Variants in NCAM1 observed in about 807,000 individuals in gnomAD.
NCAM1 encodes the protein neural cell adhesion molecule 1.
A neutral mutation model predicts 109.8 loss-of-function variants in NCAM1; 14 were observed. The observed-to-expected ratio is 0.13, with a 90% confidence interval of 0.08 to 0.20. The LOEUF is 0.20. Among genes scored for constraint, NCAM1 ranks in the 10% least tolerant of loss-of-function variants. The pLI is 1.00. For missense variants in NCAM1, 774 were observed against 1,109.9 expected (o/e 0.70, Z 4.30); for synonymous variants, 418 against 442.9 (o/e 0.94, Z 0.70).
chr11:113,030,867 C>T (rs1482828783), intron 1 of NCAM1, among the ~76,000 whole-genome samples: 1 of 152,296 alleles, frequency 6.6e-6, no homozygotes, highest in South Asian at 2.1e-4. Context: ...AAAAACCTCA[C>T]CTAGATATTT....
chr11:113,180,247 C>A (rs1275984345), intron 1 of NCAM1, among the ~76,000 whole-genome samples: 1 of 152,092 alleles, frequency 6.6e-6, no homozygotes, highest in Non-Finnish European at 1.5e-5. Flanking sequence ...GAGATATAGC[C>A]CCTGTCTGGA....
chr11:113,223,479 C>T (rs185739447), intron 9 of NCAM1, among the ~76,000 whole-genome samples: 28 of 152,164 alleles, frequency 1.8e-4, no homozygotes, highest in East Asian at 7.7e-4. Flanking sequence ...TGGCTGTTCA[C>T]GCAACTGTTT....
Position 113,020,446 on chromosome 11 carries a change from T to C in NCAM1, c.52+58782T>C, listed in dbSNP as rs990753963. The stretch of plus-strand genomic sequence containing the variant: ...GCTTCCCCACCCACTCTCTTAACCG[T>C]AGGTCTTGGATATTCACAGACAACG... On this transcript the variant is annotated intron_variant, in intron 1 of 19. Transcript: ENST00000316851. Among the ~76,000 whole-genome samples, 11 of 152,296 alleles carry C rather than the reference T, an allele frequency of 7.2e-5. No individual in the cohort carries two copies. The East Asian group carries it at 2.1e-3, about 29-fold the overall frequency.
chr11:113,094,104 C>T (rs1372688315), intron 1 of NCAM1, among the ~76,000 whole-genome samples: 1 of 152,174 alleles, frequency 6.6e-6, no homozygotes, highest in Non-Finnish European at 1.5e-5. Context: ...CCCCTTTAGA[C>T]AGTTAAGACG....
At chr11:113,074,674 G>A (rs1938446791) in intron 1 of NCAM1, among the ~76,000 whole-genome samples, 1 of 151,946 alleles carries the variant, frequency 6.6e-6, no homozygotes, top group African/African-American at 2.4e-5. Context: ...CTCTATCACC[G>A]AGGTTGGAGT....
chr11:113,092,798 A>G (rs1555089603), intron 1 of NCAM1, among the ~76,000 whole-genome samples: 1 of 152,162 alleles, frequency 6.6e-6, no homozygotes, highest in Non-Finnish European at 1.5e-5. Flanking sequence ...GTGAGATTAT[A>G]TGGCATCTCT....
chr11:113,051,545 A>G (rs1464069883), intron 1 of NCAM1, among the ~76,000 whole-genome samples: 1 of 152,154 alleles, frequency 6.6e-6, no homozygotes, highest in African/African-American at 2.4e-5. Context: ...AAAAAATAAG[A>G]TTAACATTTT....
At chr11:113,003,690 G>T (rs182650728) in intron 1 of NCAM1, among the ~76,000 whole-genome samples, 28 of 152,318 alleles carry the variant, frequency 1.8e-4, no homozygotes, top group Admixed American at 1.4e-3. Flanking sequence ...TTACAGATTT[G>T]CTATAGAAGA....
At chr11:113,245,650 A>T (rs1049825027) in intron 14 of NCAM1, among the ~76,000 whole-genome samples, 21 of 152,130 alleles carry the variant, frequency 1.4e-4, no homozygotes, top group Non-Finnish European at 2.2e-4. Context: ...CAGGAATAAC[A>T]TGGGTTTGTG....
intron 17 of NCAM1, among the ~76,000 whole-genome samples, chr11:113,261,184 T>A (rs1015408681): frequency 1.3e-4 from 20 of 151,524 alleles, no homozygotes; most frequent in African/African-American, 4.9e-4. Flanking sequence ...AAGACGGCCT[T>A]GGGCAGCCCC....
At chr11:113,119,856 A>G (rs1463878942) in intron 1 of NCAM1, among the ~76,000 whole-genome samples, 1 of 152,228 alleles carries the variant, frequency 6.6e-6, no homozygotes, top group Non-Finnish European at 1.5e-5. Context: ...CCATAGATCT[A>G]CACACAACCC....
At chr11:113,259,050 AT>A (rs558552786) in intron 16 of NCAM1, among the ~76,000 whole-genome samples, 632 of 134,038 alleles carry the variant, frequency 4.7e-3, no homozygotes, top group African/African-American at 8.4e-3. Flanking sequence ...AATAGTTTTC[AT>A]TTTTTTTTTT....
At position 113,199,978 on chromosome 11, in the gene NCAM1, C is replaced by T. The variant is rs75114710; in HGVS notation, c.53-2401C>T. Among the ~76,000 whole-genome samples the T allele has an allele frequency of 4.8e-3, 738 of 152,268 alleles. 5 individuals carry two copies. Among genetic ancestry groups the T allele is most frequent in the African/African-American group, 0.016 (664 of 41,562 alleles). ...GCATTTGGATATGAAAACTCCTCAG[C>T]CTTGCCGTGTTCTCCTGCCCCTTGA... On this transcript the variant is annotated intron_variant, in intron 1 of 19. Transcript: ENST00000316851.
intron 1 of NCAM1, among the ~76,000 whole-genome samples, chr11:113,002,355 A>C (rs1951776898): frequency 6.6e-6 from 1 of 152,268 alleles, no homozygotes; most frequent in Admixed American, 6.5e-5. Context: ...GGCCTTAGTG[A>C]AACAAAAACA....
chr11:113,124,240 G>A (rs1007728078), intron 1 of NCAM1, among the ~76,000 whole-genome samples: 4 of 152,168 alleles, frequency 2.6e-5, no homozygotes, highest in Middle Eastern at 3.2e-3. Flanking sequence ...GGGGCAAGTG[G>A]GGAGTGTGGT....
chr11:113,270,034 G>T, intron 17 of NCAM1, 154 bp from the exon 18 acceptor site: 2 of 697,152 alleles, frequency 2.9e-6, no homozygotes, highest in South Asian at 1.7e-5. Flanking sequence ...CTCAATTCTG[G>T]GGCATAGAAG....
Position 113,233,466 on chromosome 11 carries a change from C to G in NCAM1, c.1693+149C>G. 1 of 849,566 alleles carries G rather than the reference C, an allele frequency of 1.2e-6. No individual in the cohort carries two copies. 52.6% of individuals were successfully genotyped at this position (849,566 alleles called of 1,614,324 possible). A position where few individuals can be genotyped will look rare whatever the true frequency, so the allele number is the denominator to read the frequency against. On this transcript the variant is annotated intron_variant, in intron 13 of 19. Transcript: ENST00000316851. This position sits in a 1 kb window ranked among gnomAD's most constrained non-coding sequence, Gnocchi z 4.5. The stretch of plus-strand genomic sequence containing the variant: ...GTCATATCTGCCTGTAGAGTTGTTG[C>G]CCCTATTGCCACCCCAACCCATGCT...
chr11:113,122,029 C>T (rs1417861695), intron 1 of NCAM1, among the ~76,000 whole-genome samples: 4 of 152,196 alleles, frequency 2.6e-5, no homozygotes, highest in African/African-American at 7.2e-5. Flanking sequence ...AAAGCAAACA[C>T]CATGGAGGCA....
At chr11:113,199,867 G>A (rs1943994468) in intron 1 of NCAM1, among the ~76,000 whole-genome samples, 1 of 139,694 alleles carries the variant, frequency 7.2e-6, no homozygotes, top group Non-Finnish European at 1.5e-5. Context: ...GATGATAAAT[G>A]TGTGCGTGGG....
Sources: allele counts gnomAD v4.1 joint callset (sites outside exome capture counted in the v4.1 genomes callset), GRCh38; gene constraint gnomAD v4.1.1; non-coding constraint Gnocchi (gnomAD v3.1); transcripts MANE v1.5; gene names NCBI Gene and HGNC (gene_info 2026-07-23, HGNC 2026-07-21).